The following EEA1 variants were observed in gnomAD, a reference collection of about 807,000 sequenced individuals.
EEA1 encodes the protein early endosome antigen 1, 162kD.
In EEA1, 111 loss-of-function variants were observed where a neutral mutation model predicts 209.2. That is an observed-to-expected ratio of 0.53 (90% CI 0.45 to 0.62). The LOEUF (loss-of-function observed/expected upper bound fraction) is 0.62. Among genes scored for constraint, EEA1 ranks in the 20% least tolerant of loss-of-function variants. EEA1 has a pLI of 0.00. For missense variants in EEA1, 1,343 were observed against 1,530.8 expected, an observed-to-expected ratio of 0.88 and a Z score of 2.05; for synonymous variants, 536 against 540.6, an observed-to-expected ratio of 0.99 and a Z score of 0.12.
chr12:92,809,688 C>A (rs1298858970), intron 17 of EEA1, among the ~76,000 whole-genome samples: 4 of 149,980 alleles, frequency 2.7e-5, no homozygotes, highest in African/African-American at 9.8e-5. Flanking sequence ...GAATGAGACT[C>A]CATCTCAAAA....
chr12:92,832,821 T>C lies in EEA1; in HGVS notation c.945A>G (p.Glu315=). 8 of 1,605,462 alleles carry C rather than the reference T, an allele frequency of 5.0e-6. No homozygotes were observed. Among genetic ancestry groups the C allele is most frequent in the Non-Finnish European group, 5.9e-6 (7 of 1,177,634 alleles). Reference sequence around the variant, plus strand: ...TCTCCTCTAACTTAGTATAGTCTTGTTCTTTTTTCAGCAAGTTTTCTGTCA... The same window carrying C: ...TCTCCTCTAACTTAGTATAGTCTTGCTCTTTTTTCAGCAAGTTTTCTGTCA... ...QTLTENLLKK[E]QDYTKLEEKH... Residue 315 remains glutamate, a synonymous_variant, in exon 11 of 29, where the codon GAA becomes GAG. Coordinates refer to ENST00000322349, the MANE Select transcript of EEA1 (RefSeq NM_003566.4).
At chr12:92,876,575 G>A (rs1389527034) in intron 2 of EEA1, among the ~76,000 whole-genome samples, 3 of 151,962 alleles carry the variant, frequency 2.0e-5, no homozygotes, top group Admixed American at 6.6e-5. Flanking sequence ...CCTTGATCTT[G>A]GACTTCTCAT....
At chr12:92,808,924 G>T in intron 18 of EEA1, 93 bp downstream of exon 18, 2 of 1,046,892 alleles carry the variant, frequency 1.9e-6, no homozygotes, top group Non-Finnish European at 2.6e-6. Flanking sequence ...AAGTCTTTAA[G>T]CACTACGATA....
At chr12:92,872,755 C>T (rs1878711034) in intron 2 of EEA1, among the ~76,000 whole-genome samples, 1 of 152,084 alleles carries the variant, frequency 6.6e-6, no homozygotes, top group South Asian at 2.1e-4. Context: ...GAGTTCGAGA[C>T]CAGTCTGGCC....
intron 2 of EEA1, among the ~76,000 whole-genome samples, chr12:92,876,192 C>T (rs1371512744): frequency 3.3e-5 from 5 of 152,228 alleles, no homozygotes; most frequent in Non-Finnish European, 4.4e-5. Context: ...CCCACCTTAG[C>T]CTCCCGAGTA....
chr12:92,827,172 A>C (rs887265958), intron 12 of EEA1, among the ~76,000 whole-genome samples: 5 of 152,142 alleles, frequency 3.3e-5, no homozygotes, highest in African/African-American at 1.2e-4. Context: ...CCTGGCCAAC[A>C]TGGTAAAACC....
chr12:92,879,309 G>A, intron 2 of EEA1: 1 of 442,830 alleles, frequency 2.3e-6, no homozygotes, highest in Non-Finnish European at 4.5e-6. Flanking sequence ...CGGCACTCAA[G>A]TTTGGAATTT....
intron 1 of EEA1, among the ~76,000 whole-genome samples, chr12:92,917,552 T>A (rs1186883812): frequency 6.6e-6 from 1 of 150,720 alleles, no homozygotes; most frequent in Non-Finnish European, 1.5e-5. Flanking sequence ...GCTGAGAGAT[T>A]TTGTCACCAC....
At chr12:92,854,776 A>G (rs1877794455) in intron 5 of EEA1, among the ~76,000 whole-genome samples, 1 of 152,198 alleles carries the variant, frequency 6.6e-6, no homozygotes, top group South Asian at 2.1e-4. Flanking sequence ...CCATCTCTCC[A>G]GAGAGACTGC....
At chr12:92,878,744 T>C (rs1879018381) in intron 2 of EEA1, among the ~76,000 whole-genome samples, 1 of 152,022 alleles carries the variant, frequency 6.6e-6, no homozygotes, top group South Asian at 2.1e-4. Flanking sequence ...GATAAACTAA[T>C]AGGAATAATT....
intron 22 of EEA1, among the ~76,000 whole-genome samples, chr12:92,787,296 A>G (rs1260180088): frequency 1.3e-5 from 2 of 152,114 alleles, no homozygotes; most frequent in Admixed American, 1.3e-4. Context: ...CCTTCCTGTG[A>G]CCTAAAAATT....
intron 20 of EEA1, among the ~76,000 whole-genome samples, chr12:92,801,036 A>G (rs1465621778): frequency 6.6e-6 from 1 of 152,208 alleles, no homozygotes; most frequent in Non-Finnish European, 1.5e-5. Context: ...ATGGCTTCAG[A>G]GAGCAACAAC....
At chr12:92,892,471 C>A (rs1312751479) in intron 1 of EEA1, among the ~76,000 whole-genome samples, 2 of 151,498 alleles carry the variant, frequency 1.3e-5, no homozygotes, top group African/African-American at 4.9e-5. Flanking sequence ...AGAAAGTTCT[C>A]AAGATCCAAG....
chr12:92,844,031 G>A (rs957397898), intron 9 of EEA1, among the ~76,000 whole-genome samples: 65 of 151,922 alleles, frequency 4.3e-4, no homozygotes, highest in African/African-American at 1.6e-3. Flanking sequence ...TCTAAGTTTT[G>A]GAAACCAACA....
chr12:92,863,484 G>T (rs1878238433), intron 3 of EEA1, among the ~76,000 whole-genome samples: 1 of 152,182 alleles, frequency 6.6e-6, no homozygotes, highest in Admixed American at 6.5e-5. Context: ...TTGGCATAAA[G>T]CCCCAGATGA....
At position 92,891,713 on chromosome 12, in the gene EEA1, C is replaced by T; in HGVS notation, c.33G>A (p.Gly11=). 6.2e-7 allele frequency: 1 copy of T among 1,609,024 alleles called. No homozygotes were observed. Among genetic ancestry groups the T allele is most frequent in the Non-Finnish European group, 8.5e-7 (1 of 1,178,636 alleles). Residue 11 remains glycine (G), a synonymous_variant, in exon 2 of 29, where the codon GGG becomes GGA. Coordinates refer to ENST00000322349, the MANE Select transcript of EEA1 (RefSeq NM_003566.4). MLRRILQRTP[G]RVGSQGSDLD... ...AATCAGAACCTTGAGAGCCAACTCT[C>T]CCAGGAGTCTGGAACACAAACAGTA...
intron 2 of EEA1, among the ~76,000 whole-genome samples, chr12:92,879,903 C>A (rs1047801789): frequency 6.6e-6 from 1 of 152,186 alleles, no homozygotes; most frequent in African/African-American, 2.4e-5. Context: ...CTTATCCCTA[C>A]GTAGTGGGTT....
At chr12:92,901,568 CTTG>C (rs965566844) in intron 1 of EEA1, among the ~76,000 whole-genome samples, 1 of 151,028 alleles carries the variant, frequency 6.6e-6, no homozygotes, top group Non-Finnish European at 1.5e-5. Flanking sequence ...CTAAGAACTT[CTTG>C]TTTTTTTTTT....
chr12:92,838,163 C>T (rs994136079), intron 10 of EEA1, among the ~76,000 whole-genome samples: 1 of 152,126 alleles, frequency 6.6e-6, no homozygotes, highest in African/African-American at 2.4e-5. Context: ...ATAAAATAAT[C>T]TTGATTCTAT....
Sources: allele counts gnomAD v4.1 joint callset (sites outside exome capture counted in the v4.1 genomes callset), GRCh38; gene constraint gnomAD v4.1.1; transcripts MANE v1.5; gene names NCBI Gene and HGNC (gene_info 2026-07-23, HGNC 2026-07-21).